Variants in CFAP54 observed in about 807,000 individuals in gnomAD.
The protein encoded by CFAP54 is cilia- and flagella-associated protein 54.
A neutral mutation model predicts 370.4 loss-of-function variants in CFAP54; 290 were observed. That is an observed-to-expected ratio of 0.78 (90% CI 0.71 to 0.86). The LOEUF (loss-of-function observed/expected upper bound fraction) is 0.86. Among genes scored for constraint, CFAP54 ranks in the 40% least tolerant of loss-of-function variants. CFAP54 has a pLI of 0.00. For synonymous variants in CFAP54, 1,206 were observed against 1,236.5 expected (o/e 0.98, Z 0.52); for missense variants, 3,399 against 3,528.7 (o/e 0.96, Z 0.93).
chr12:96,613,825 G>C (rs1286398964), intron 26 of CFAP54, among the ~76,000 whole-genome samples: 3 of 152,104 alleles, frequency 2.0e-5, no homozygotes, highest in East Asian at 3.8e-4. Flanking sequence ...CCAGGAAGAA[G>C]ATGAATCCAT....
intron 63 of CFAP54, among the ~76,000 whole-genome samples, chr12:96,796,826 T>G (rs996581095): frequency 6.6e-6 from 1 of 152,144 alleles, no homozygotes; most frequent in Non-Finnish European, 1.5e-5. Context: ...ATTCTCCTCT[T>G]TTTCTTGAAG....
At chr12:96,514,125 G>C (rs1380981677) in intron 5 of CFAP54, among the ~76,000 whole-genome samples, 1 of 152,148 alleles carries the variant, frequency 6.6e-6, no homozygotes, top group Admixed American at 6.5e-5. Flanking sequence ...CTCCCGTTGA[G>C]ACCCTGCTTG....
At chr12:96,670,991 A>G (rs1464514100) in intron 39 of CFAP54, among the ~76,000 whole-genome samples, 1 of 151,850 alleles carries the variant, frequency 6.6e-6, no homozygotes, top group Non-Finnish European at 1.5e-5. Context: ...TTTTTTATTT[A>G]TTTATTTAGA....
chr12:96,794,539 TCCA>T (rs1278986555), intron 63 of CFAP54, among the ~76,000 whole-genome samples: 4 of 152,098 alleles, frequency 2.6e-5, no homozygotes. Flanking sequence ...GTTGAGACTT[TCCA>T]TTGTATTTTG....
Position 96,756,578 on chromosome 12 carries a change from C to T in CFAP54, c.7946+15C>T, listed in dbSNP as rs1209412319. 4.6e-6 allele frequency: 7 copies of T among 1,517,678 alleles called. No individual in the cohort carries two copies. The highest frequency in any genetic ancestry group is 4.6e-5 in the South Asian group (4 of 87,464). The allele number at this position is 1,517,678 out of a possible 1,614,324, so 94.0% of individuals were successfully genotyped here. ...CAAAACTCAGGGTAAAAAGATATTC[C>T]ATTGTTGTAGCTGTGTGTGTTTGGC... On this transcript the variant is annotated intron_variant, in intron 57 of 67. Coordinates refer to ENST00000524981, the MANE Select transcript of CFAP54 (RefSeq NM_001306084.2).
intron 44 of CFAP54, among the ~76,000 whole-genome samples, chr12:96,691,909 TG>T (rs1382730967): frequency 6.6e-6 from 1 of 152,170 alleles, no homozygotes; most frequent in African/African-American, 2.4e-5. Flanking sequence ...CTATTAGAAT[TG>T]TTGGCCATTT....
intron 60 of CFAP54, among the ~76,000 whole-genome samples, chr12:96,780,204 A>G (rs1222239828): frequency 6.6e-6 from 1 of 152,134 alleles, no homozygotes; most frequent in Non-Finnish European, 1.5e-5. Flanking sequence ...CCAATTAATT[A>G]GTCCTTATAA....
chr12:96,592,615 A>T lies in CFAP54; in HGVS notation c.3338A>T (p.Asn1113Ile). Residue 1113 changes from asparagine (N) to isoleucine (I), a missense_variant, in exon 24 of 68, where the codon AAT becomes ATT. Physicochemically the swap from Asn to Ile is moderately radical, Grantham distance 149. Transcript: ENST00000524981. ...CTTTTCTGTGATAATATTAAAGGCA[A>T]TGAGATTTTCCCATCTCAACAAGTA... ...ENLFCDNIKG[N>I]EIFPSQQIAR... 1 of 1,205,896 alleles carries T rather than the reference A, an allele frequency of 8.3e-7. No homozygotes were observed. The highest frequency in any genetic ancestry group is 1.1e-6 in the Non-Finnish European group (1 of 903,984). The allele number at this position is 1,205,896 out of a possible 1,614,324, so 74.7% of individuals were successfully genotyped here. A position where few individuals can be genotyped will look rare whatever the true frequency, so the allele number is the denominator to read the frequency against.
In CFAP54 at chr12:96,599,487, A is replaced by G. The variant is rs192786641; in HGVS notation, c.3639+720A>G. Among the ~76,000 whole-genome samples the G allele has an allele frequency of 3.2e-4, 49 of 152,266 alleles. 1 individual carries two copies. Among genetic ancestry groups the G allele is most frequent in the African/African-American group, 1.1e-3 (46 of 41,548 alleles). On this transcript the variant is annotated intron_variant, in intron 26 of 67. Transcript: ENST00000524981. ...TAAACATACATGTGCATGTGTCTTT[A>G]TAGCAGAATGATTTCGAATCCTTTG...
At chr12:96,764,959 C>T in intron 59 of CFAP54, 118 bp from the exon 60 acceptor site, 2 of 730,614 alleles carry the variant, frequency 2.7e-6, no homozygotes, top group Non-Finnish European at 2.0e-6. Context: ...TTATTTTTTC[C>T]TCCAATGTAT....
chr12:96,839,783 C>T (rs1477498754), intron 66 of CFAP54, among the ~76,000 whole-genome samples: 1 of 152,048 alleles, frequency 6.6e-6, no homozygotes, highest in East Asian at 1.9e-4. Context: ...TAGTCTGGTG[C>T]TTGATGCTGG....
chr12:96,702,907 T>TA (rs1957506222), intron 46 of CFAP54, among the ~76,000 whole-genome samples: 1 of 152,178 alleles, frequency 6.6e-6, no homozygotes, highest in South Asian at 2.1e-4. Context: ...CACAGGCCTT[T>TA]AAAAAAATTC....
chr12:96,568,145 C>CTT (rs931001695), intron 19 of CFAP54, among the ~76,000 whole-genome samples: 2 of 126,722 alleles, frequency 1.6e-5, no homozygotes, highest in African/African-American at 5.8e-5. Flanking sequence ...GTTCTATTTG[C>CTT]TTTTTTTTTT....
intron 66 of CFAP54, among the ~76,000 whole-genome samples, chr12:96,859,703 C>A (rs1185076565): frequency 1.3e-5 from 2 of 152,206 alleles, no homozygotes; most frequent in Non-Finnish European, 2.9e-5. Context: ...CCACACCTGA[C>A]CCCAGGATGC....
chr12:96,708,943 T>C (rs886736227), intron 48 of CFAP54, 140 bp downstream of exon 48: 20 of 667,978 alleles, frequency 3.0e-5, no homozygotes, highest in Non-Finnish European at 4.5e-5. Flanking sequence ...CACACATATG[T>C]ACTTATGTCT....
chr12:96,724,696 A>C (rs1438837328), intron 50 of CFAP54, among the ~76,000 whole-genome samples: 1 of 152,036 alleles, frequency 6.6e-6, no homozygotes, highest in African/African-American at 2.4e-5. Context: ...CCCATTTGTC[A>C]ATTTTGGCTT....
intron 2 of CFAP54, 83 bp from the exon 3 acceptor site, chr12:96,503,803 A>G: frequency 8.3e-7 from 1 of 1,198,046 alleles, no homozygotes; most frequent in Non-Finnish European, 1.1e-6. Flanking sequence ...CCTTGATACT[A>G]TTAGGAATAA....
At chr12:96,559,637 TATATC>T (rs1955794937) in intron 17 of CFAP54, among the ~76,000 whole-genome samples, 1 of 152,180 alleles carries the variant, frequency 6.6e-6, no homozygotes, top group African/African-American at 2.4e-5. Context: ...ATATACCTAT[TATATC>T]AATATCATAT....
At chr12:96,874,205 C>T (rs1960233243) in intron 67 of CFAP54, among the ~76,000 whole-genome samples, 1 of 152,172 alleles carries the variant, frequency 6.6e-6, no homozygotes, top group East Asian at 1.9e-4. Context: ...GGGTCCAGCT[C>T]CAAGCAGTCA....
Sources: allele counts gnomAD v4.1 joint callset (sites outside exome capture counted in the v4.1 genomes callset), GRCh38; gene constraint gnomAD v4.1.1; transcripts MANE v1.5; gene names NCBI Gene and HGNC (gene_info 2026-07-23, HGNC 2026-07-21).